KHDRBS2: variants seen among roughly 807,000 people sequenced by gnomAD.
KHDRBS2 encodes KH domain-containing, RNA-binding, signal transduction-associated protein 2.
Under a neutral mutation model 44.3 loss-of-function variants are expected in KHDRBS2, and 26 were observed. That is an observed-to-expected ratio of 0.59 (90% CI 0.43 to 0.81). KHDRBS2 has a LOEUF of 0.81. Ranked by LOEUF, KHDRBS2 falls within the 40% of genes least tolerant of loss-of-function variation. KHDRBS2 has a pLI of 0.00. For synonymous variants in KHDRBS2, 194 were observed against 151.1 expected (o/e 1.28, Z -2.08); for missense variants, 476 against 433.1 (o/e 1.10, Z -0.88).
chr6:61,660,328 A>T, the KHDRBS2 span, among the ~76,000 whole-genome samples: 3 of 151,908 alleles, frequency 2.0e-5, no homozygotes, highest in East Asian at 5.9e-4. Context: ...GACAAAATGG[A>T]AGGAGGCACA....
chr6:61,978,247 AC>A lies in KHDRBS2; in HGVS notation c.337-36del, dbSNP rs766763192. 30 of 1,527,646 alleles carry A rather than the reference AC, an allele frequency of 2.0e-5. No individual in the cohort carries two copies. The African/African-American group carries it at 3.9e-4, about 20-fold the overall frequency. 94.6% of individuals were successfully genotyped at this position (1,527,646 alleles called of 1,614,324 possible). Reference sequence around the variant, plus strand: ...AGGTTATTTTTAGAAATACAAATCCACTCATTTTACATTGATTTAACATTTA... The same window carrying A: ...AGGTTATTTTTAGAAATACAAATCCATCATTTTACATTGATTTAACATTTA... On this transcript the variant is annotated intron_variant, in intron 3 of 8. Transcript: ENST00000281156.
intron 2 of KHDRBS2, among the ~76,000 whole-genome samples, chr6:62,054,785 A>C (rs980301933): frequency 6.6e-6 from 1 of 152,052 alleles, no homozygotes; most frequent in Admixed American, 6.6e-5. Context: ...TTTCAGCTTC[A>C]AAGAAATCAT....
At chr6:61,663,433 A>G in the KHDRBS2 span, among the ~76,000 whole-genome samples, 2 of 140,190 alleles carry the variant, frequency 1.4e-5, no homozygotes, top group African/African-American at 5.2e-5. Flanking sequence ...AATAAAAATA[A>G]AAATAAAATA....
intron 3 of KHDRBS2, among the ~76,000 whole-genome samples, chr6:62,012,555 T>G (rs1780497885): frequency 1.3e-5 from 2 of 152,204 alleles, no homozygotes; most frequent in Admixed American, 1.3e-4. Context: ...CCTCATCTTG[T>G]GACACTTTTC....
intron 3 of KHDRBS2, 30 bp downstream of exon 3, chr6:62,047,848 G>A: frequency 7.2e-7 from 1 of 1,397,440 alleles, no homozygotes; most frequent in Non-Finnish European, 1.0e-6. Context: ...CCTCCTGAAT[G>A]TGGTAAATAT....
intron 4 of KHDRBS2, among the ~76,000 whole-genome samples, chr6:61,942,476 C>A (rs1222368289): frequency 6.6e-6 from 1 of 151,580 alleles, no homozygotes; most frequent in Non-Finnish European, 1.5e-5. Context: ...CTAGATTAAG[C>A]AGAAAATGAA....
intron 6 of KHDRBS2, among the ~76,000 whole-genome samples, chr6:61,770,341 A>G (rs1426187526): frequency 2.0e-5 from 3 of 152,234 alleles, no homozygotes; most frequent in Non-Finnish European, 4.4e-5. Flanking sequence ...ATGGGGAATG[A>G]CTTTGCCGAG....
chr6:61,767,504 T>C (rs1448629585), intron 6 of KHDRBS2, among the ~76,000 whole-genome samples: 1 of 151,992 alleles, frequency 6.6e-6, no homozygotes, highest in Admixed American at 6.6e-5. Flanking sequence ...TTGTTTTTGG[T>C]TTTCTTTTTT....
chr6:61,936,046 T>G (rs1192739769), intron 4 of KHDRBS2, among the ~76,000 whole-genome samples: 2 of 152,126 alleles, frequency 1.3e-5, no homozygotes, highest in Non-Finnish European at 2.9e-5. Context: ...CATCTGTCTA[T>G]GTACTCAGAA....
the KHDRBS2 span, among the ~76,000 whole-genome samples, chr6:61,616,622 A>G: frequency 6.6e-6 from 1 of 152,034 alleles, no homozygotes; most frequent in Non-Finnish European, 1.5e-5. Context: ...GCAAAGGTCA[A>G]ATATGAATGA....
chr6:62,016,860 C>T (rs1012177458), intron 3 of KHDRBS2, among the ~76,000 whole-genome samples: 1 of 151,728 alleles, frequency 6.6e-6, no homozygotes, highest in Non-Finnish European at 1.5e-5. Context: ...GGTAGGGTGT[C>T]CCATCTCAAT....
chr6:62,061,798 C>A (rs1791985264), intron 2 of KHDRBS2, among the ~76,000 whole-genome samples: 1 of 148,204 alleles, frequency 6.7e-6, no homozygotes. Context: ...CTCCCCATCA[C>A]TTTCAGGTAC....
chr6:61,694,276 T>C (rs1218147477), intron 8 of KHDRBS2, among the ~76,000 whole-genome samples: 1 of 152,168 alleles, frequency 6.6e-6, no homozygotes, highest in Non-Finnish European at 1.5e-5. Context: ...TAAATACTTG[T>C]TAAATGAGTA....
the KHDRBS2 span, among the ~76,000 whole-genome samples, chr6:61,673,965 A>G: frequency 6.6e-6 from 1 of 151,886 alleles, no homozygotes; most frequent in Non-Finnish European, 1.5e-5. Flanking sequence ...CCGCATCGCC[A>G]AGTCAATCCT....
chr6:61,750,760 T>TAA (rs61576563), intron 6 of KHDRBS2, among the ~76,000 whole-genome samples: 25,704 of 116,314 alleles, frequency 0.22, 2,404 homozygotes, highest in Non-Finnish European at 0.25. Context: ...GAGAAAAAAG[T>TAA]AAAAAAAAAA....
At chr6:61,863,651 T>G (rs978926336) in intron 6 of KHDRBS2, among the ~76,000 whole-genome samples, 32 of 152,214 alleles carry the variant, frequency 2.1e-4, no homozygotes, top group African/African-American at 6.3e-4. Flanking sequence ...AAGAGACTGT[T>G]TCTAACTATT....
intron 2 of KHDRBS2, among the ~76,000 whole-genome samples, chr6:62,104,917 G>C (rs1384762922): frequency 6.6e-6 from 1 of 151,882 alleles, no homozygotes; most frequent in Admixed American, 6.6e-5. Context: ...GAAAGAAAAG[G>C]AAAGATAAAA....
At chr6:61,624,665 C>T in the KHDRBS2 span, among the ~76,000 whole-genome samples, 1 of 152,086 alleles carries the variant, frequency 6.6e-6, no homozygotes, top group Admixed American at 6.6e-5. Flanking sequence ...AGCTGGTGTC[C>T]CATAATGCTG....
intron 4 of KHDRBS2, among the ~76,000 whole-genome samples, chr6:61,954,947 T>C (rs62646164): frequency 5.8e-5 from 4 of 69,088 alleles, no homozygotes; most frequent in South Asian, 4.8e-4. Flanking sequence ...TGTATGTGTA[T>C]ACATATATAT....
Sources: allele counts gnomAD v4.1 joint callset (sites outside exome capture counted in the v4.1 genomes callset), GRCh38; gene constraint gnomAD v4.1.1; transcripts MANE v1.5; gene names NCBI Gene and HGNC (gene_info 2026-07-23, HGNC 2026-07-21).